Variants in DPYSL5 observed in about 807,000 individuals in gnomAD.
The protein encoded by DPYSL5 is dihydropyrimidinase-related protein 5.
DPYSL5 carries 9 observed loss-of-function variants against 58.4 expected under a neutral mutation model. The ratio of observed to expected loss-of-function variants is 0.15; its 90% CI spans 0.09 to 0.27. The LOEUF (loss-of-function observed/expected upper bound fraction) is 0.27, where lower values mean the gene tolerates loss of function less well. Among genes scored for constraint, DPYSL5 ranks in the 10% least tolerant of loss-of-function variants. The pLI is 1.00. For missense variants in DPYSL5, 499 were observed against 770.6 expected (o/e 0.65, Z 4.17); for synonymous variants, 293 against 301.9 (o/e 0.97, Z 0.31).
intron 1 of DPYSL5, among the ~76,000 whole-genome samples, chr2:26,884,727 G>A (rs1424638401): frequency 1.3e-5 from 2 of 152,192 alleles, no homozygotes; most frequent in East Asian, 1.9e-4. Flanking sequence ...GTCCAGCCAC[G>A]TGGGGCCGGG....
chr2:26,907,203 C>T (rs895859167), intron 2 of DPYSL5, among the ~76,000 whole-genome samples: 1 of 152,100 alleles, frequency 6.6e-6, no homozygotes, highest in Non-Finnish European at 1.5e-5. Context: ...CAACCTCCGC[C>T]TCCTGGGTTC....
chr2:26,913,076 T>TTG (rs1664481277), intron 2 of DPYSL5, among the ~76,000 whole-genome samples: 1 of 152,254 alleles, frequency 6.6e-6, no homozygotes. Context: ...AAAGTATTTA[T>TTG]TGTGTAAACA....
intron 2 of DPYSL5, among the ~76,000 whole-genome samples, chr2:26,904,219 A>T (rs1007731248): frequency 3.3e-5 from 5 of 152,104 alleles, no homozygotes; most frequent in African/African-American, 1.2e-4. Context: ...GCCCTGAGGT[A>T]TGTGCCGCTA....
chr2:26,915,389 G>T (rs1205863899), intron 2 of DPYSL5, among the ~76,000 whole-genome samples: 2 of 152,196 alleles, frequency 1.3e-5, no homozygotes, highest in African/African-American at 2.4e-5. Context: ...GACCATCGGA[G>T]AATTGAACTG....
At chr2:26,926,547 A>G (rs1245255924) in intron 3 of DPYSL5, among the ~76,000 whole-genome samples, 2 of 152,260 alleles carry the variant, frequency 1.3e-5, no homozygotes, top group Non-Finnish European at 2.9e-5. Flanking sequence ...AAGGAAGTAC[A>G]TAATCCAGTA....
chr2:26,925,235 ATGAG>A lies in DPYSL5; in HGVS notation c.420+191_420+194del, dbSNP rs1471401214. Among the ~76,000 whole-genome samples the A allele has an allele frequency of 7.9e-5, 12 of 152,242 alleles. No individual in the cohort carries two copies. Among genetic ancestry groups the A allele is most frequent in the African/African-American group, 2.6e-4 (11 of 41,536 alleles). On this transcript the variant is annotated intron_variant, in intron 3 of 12. Coordinates refer to ENST00000288699, the MANE Select transcript of DPYSL5 (RefSeq NM_020134.4). This position sits in a 1 kb window ranked among gnomAD's most constrained non-coding sequence, Gnocchi z 4.5. ...GGATGGGCTTGTGCTGCTTAACTTA[ATGAG>A]CCATTTTCCGGCAGGCACAGAGAGG...
At chr2:26,906,046 G>C (rs1416427389) in intron 2 of DPYSL5, among the ~76,000 whole-genome samples, 1 of 152,072 alleles carries the variant, frequency 6.6e-6, no homozygotes, top group African/African-American at 2.4e-5. Context: ...GCCTGGGGCG[G>C]ATCTCAGTGC....
chr2:26,907,293 T>C (rs1664320274), intron 2 of DPYSL5, among the ~76,000 whole-genome samples: 1 of 151,988 alleles, frequency 6.6e-6, no homozygotes, highest in Admixed American at 6.6e-5. Flanking sequence ...TTTGTATTTT[T>C]AGTAGAGACG....
At position 26,927,692 on chromosome 2, in the gene DPYSL5, A is replaced by G. The variant is rs79853436; in HGVS notation, c.600+260A>G. 3.0e-3 allele frequency among the ~76,000 whole-genome samples: 456 copies of G among 152,344 alleles called. 3 individuals are homozygous for G. Among genetic ancestry groups the G allele is most frequent in the African/African-American group, 0.011 (448 of 41,576 alleles). ...ATGATGTCTTAATTCTAATGATATGAGATTTAAATTCCATTATAGCAGAGA... is the reference window on the plus strand; with the variant it reads ...ATGATGTCTTAATTCTAATGATATGGGATTTAAATTCCATTATAGCAGAGA... On this transcript the variant is annotated intron_variant, in intron 4 of 12. Transcript: ENST00000288699. The surrounding 1 kb of genome is among the most constrained non-coding windows in gnomAD (Gnocchi z 4.3).
At position 26,898,695 on chromosome 2, in the gene DPYSL5, A is replaced by G. The variant is rs1195699998; in HGVS notation, c.196A>G (p.Ser66Gly). The G allele has an allele frequency of 6.2e-7, 1 of 1,614,180 alleles. No individual in the cohort carries two copies. The highest frequency in any genetic ancestry group is 8.5e-7 in the Non-Finnish European group (1 of 1,180,012). The change falls in exon 2 of 13, where the codon AGC becomes GGC. Residue 66 changes from serine (S) to glycine (G), a missense_variant. By Grantham distance (56) the Ser-to-Gly change is moderately conservative. This residue lies in a region of DPYSL5 where 404 missense variants were observed against 647.6 expected (regional missense o/e 0.62). Coordinates refer to ENST00000288699, the MANE Select transcript of DPYSL5 (RefSeq NM_020134.4). The surrounding 1 kb of genome is among the most constrained non-coding windows in gnomAD (Gnocchi z 6.1). ...GGTGATCCCTGGTGGCATCGACACC[A>G]GCACCCACTTCCACCAGACCTTCAT... Reference protein sequence around the residue: ...KLVIPGGIDTSTHFHQTFMNA... With the variant: ...KLVIPGGIDTGTHFHQTFMNA...
chr2:26,854,382 T>A (rs1665826231), intron 1 of DPYSL5, among the ~76,000 whole-genome samples: 1 of 152,050 alleles, frequency 6.6e-6, no homozygotes, highest in African/African-American at 2.4e-5. Context: ...TCACTTGAAC[T>A]GGGAAGGTGG....
intron 2 of DPYSL5, among the ~76,000 whole-genome samples, chr2:26,907,651 A>T (rs766372685): frequency 5.3e-5 from 8 of 151,984 alleles, no homozygotes; most frequent in Non-Finnish European, 1.0e-4. Flanking sequence ...TGGACACCCC[A>T]TGCTGCCTGT....
In DPYSL5 at chr2:26,851,888, A is replaced by C. The variant is rs185870416; in HGVS notation, c.-5+3634A>C. Among the ~76,000 whole-genome samples, 7 of 152,258 alleles carry C rather than the reference A, an allele frequency of 4.6e-5. No homozygotes were observed. The East Asian group carries it at 1.3e-3, about 29-fold the overall frequency. Reference sequence around the variant, plus strand: ...CTTGAACCTGGGAGGCCGAGGTTGCAGTGAGCTGAGATCGTGCCACTGCAC... The same window carrying C: ...CTTGAACCTGGGAGGCCGAGGTTGCCGTGAGCTGAGATCGTGCCACTGCAC... On this transcript the variant is annotated intron_variant, in intron 1 of 12. Transcript: ENST00000288699.
intron 1 of DPYSL5, among the ~76,000 whole-genome samples, chr2:26,881,109 C>A (rs900649004): frequency 2.0e-5 from 3 of 152,182 alleles, no homozygotes; most frequent in African/African-American, 7.2e-5. Flanking sequence ...CCTGGGAGGA[C>A]GTGCCCATAG....
Position 26,941,958 on chromosome 2 carries a change from A to G in DPYSL5, c.1098A>G (p.Gly366=). 6.2e-7 allele frequency: 1 copy of G among 1,614,152 alleles called. No individual in the cohort carries two copies. Among genetic ancestry groups the G allele is most frequent in the South Asian group, 1.1e-5 (1 of 91,078 alleles). ...SVIWERGVVG[G]KMDENRFVAV... The stretch of plus-strand genomic sequence containing the variant: ...TTTCTGCAACATTTCAGGTTGGAGG[A>G]AAGATGGATGAGAACCGTTTTGTGG... Residue 366 remains glycine (G), a synonymous_variant, in exon 10 of 13, where the codon GGA becomes GGG. Transcript: ENST00000288699.
intron 1 of DPYSL5, among the ~76,000 whole-genome samples, chr2:26,863,364 T>C (rs1666065651): frequency 6.6e-6 from 1 of 152,244 alleles, no homozygotes; most frequent in African/African-American, 2.4e-5. Context: ...CCCAGGCATG[T>C]ACCTATTTTC....
intron 2 of DPYSL5, among the ~76,000 whole-genome samples, chr2:26,909,504 C>T (rs114795109): frequency 1.4e-3 from 208 of 152,184 alleles, no homozygotes; most frequent in African/African-American, 4.7e-3. Flanking sequence ...CGGTGGCTCA[C>T]GCCTGTAATC....
At chr2:26,892,794 A>AGAGAGAGAGAGAGAGAGAGAGAGAG (rs1286252749) in intron 1 of DPYSL5, among the ~76,000 whole-genome samples, 3 of 143,116 alleles carry the variant, frequency 2.1e-5, no homozygotes, top group Non-Finnish European at 3.0e-5. Flanking sequence ...AGAGAGAGAG[A>AGAGAGAGAGAGAGAGAGAGAGAGAG]ATGCATCTCA....
intron 6 of DPYSL5, among the ~76,000 whole-genome samples, chr2:26,932,196 AAAGAAAGAAAGAAAAGAAAG>A (rs1558351635): frequency 2.1e-4 from 18 of 85,962 alleles, no homozygotes; most frequent in Non-Finnish European, 4.0e-4. Context: ...AGAAAGAAAG[AAAGAAAGAAAGAAAAGAAAG>A]AAAGAAAGAA....
Sources: gnomAD v4.1 joint callset for allele counts (sites outside exome capture counted in the v4.1 genomes callset) on GRCh38, gnomAD v4.1.1 for gene constraint, gnomAD v4.1.1 regional missense constraint, Gnocchi (gnomAD v3.1) non-coding constraint, MANE v1.5 for transcripts, NCBI Gene and HGNC (gene_info 2026-07-23, HGNC 2026-07-21) for gene names.